The following NR3C1 variants were observed in gnomAD, a reference collection of about 807,000 sequenced individuals.
NR3C1 encodes the protein nuclear receptor subfamily 3 group C member 1, also known as glucocorticoid receptor.
NR3C1 carries 14 observed loss-of-function variants against 74.0 expected under a neutral mutation model. The ratio of observed to expected loss-of-function variants is 0.19; its 90% CI spans 0.12 to 0.30. NR3C1 has a LOEUF of 0.30. Among genes scored for constraint, NR3C1 ranks in the 10% least tolerant of loss-of-function variants. The pLI is 1.00. For synonymous variants in NR3C1, 308 were observed against 332.5 expected, an observed-to-expected ratio of 0.93 and a Z score of 0.80; for missense variants, 695 against 909.8, an observed-to-expected ratio of 0.76 and a Z score of 3.04.
intron 2 of NR3C1, among the ~76,000 whole-genome samples, chr5:143,350,784 G>A (rs1830095499): frequency 6.6e-6 from 1 of 152,192 alleles, no homozygotes; most frequent in Non-Finnish European, 1.5e-5. Context: ...TTGCCAAGAG[G>A]CTAGAGAAGT....
At chr5:143,387,376 C>T (rs1449893971) in intron 2 of NR3C1, among the ~76,000 whole-genome samples, 3 of 152,116 alleles carry the variant, frequency 2.0e-5, no homozygotes, top group Admixed American at 6.6e-5. Flanking sequence ...GGAATGTTCC[C>T]ATGTTTTAAA....
intron 4 of NR3C1, among the ~76,000 whole-genome samples, chr5:143,306,703 T>C (rs1035479655): frequency 2.0e-5 from 3 of 152,092 alleles, no homozygotes; most frequent in Admixed American, 1.3e-4. Flanking sequence ...GTGTTTTTAA[T>C]AATCAGGGTC....
intron 7 of NR3C1, among the ~76,000 whole-genome samples, chr5:143,288,995 T>C (rs1318678763): frequency 7.1e-6 from 1 of 140,332 alleles, no homozygotes; most frequent in African/African-American, 2.7e-5. Flanking sequence ...ATCCCACTGC[T>C]GGGGAGGCTG....
At chr5:143,360,412 A>G (rs1832007039) in intron 2 of NR3C1, among the ~76,000 whole-genome samples, 2 of 152,222 alleles carry the variant, frequency 1.3e-5, no homozygotes, top group Non-Finnish European at 2.9e-5. Flanking sequence ...GACTTGAGAC[A>G]GCTTTAAAAA....
intron 7 of NR3C1, among the ~76,000 whole-genome samples, chr5:143,292,016 G>GT (rs1164888653): frequency 1.1e-4 from 17 of 152,198 alleles, no homozygotes; most frequent in Middle Eastern, 3.4e-3. Flanking sequence ...ATGCCTTGTA[G>GT]TTTTTTTGCT....
exon 1 of NR3C1, chr5:143,435,250 G>C: frequency 2.0e-6 from 2 of 985,172 alleles, no homozygotes; most frequent in Non-Finnish European, 2.4e-6. Context: ...CAGTGCTTCC[G>C]TTGGACACAT....
At chr5:143,379,239 A>G (rs1362735108) in intron 2 of NR3C1, among the ~76,000 whole-genome samples, 1 of 152,210 alleles carries the variant, frequency 6.6e-6, no homozygotes, top group South Asian at 2.1e-4. Flanking sequence ...AAAAGCAGTT[A>G]CATAAGTGCT....
chr5:143,341,222 A>G (rs1407273691), intron 2 of NR3C1, among the ~76,000 whole-genome samples: 1 of 152,248 alleles, frequency 6.6e-6, no homozygotes, highest in Non-Finnish European at 1.5e-5. Flanking sequence ...AAAGGAAAAC[A>G]AACCAATTTA....
At chr5:143,406,462 T>C (rs1600659464), upstream of NR3C1, among the ~76,000 whole-genome samples, 3 of 152,164 alleles carry the variant, frequency 2.0e-5, no homozygotes, top group East Asian at 5.8e-4. Flanking sequence ...TAAATGTGCC[T>C]GTTAATTTTT....
chr5:143,389,942 G>A (rs948649814), intron 2 of NR3C1: 1 of 978,854 alleles, frequency 1.0e-6, no homozygotes, highest in Non-Finnish European at 1.2e-6. Flanking sequence ...ATCATCTTTT[G>A]GGGAGAAAGA....
In NR3C1 at chr5:143,358,473, G is replaced by T. The variant is rs114006470; in HGVS notation, c.1184+41183C>A. Among the ~76,000 whole-genome samples, 806 of 152,304 alleles carry T rather than the reference G, an allele frequency of 5.3e-3. 7 individuals are homozygous for T. The highest frequency in any genetic ancestry group is 0.018 in the African/African-American group (748 of 41,570). On this transcript the variant is annotated intron_variant, in intron 2 of 8. Coordinates refer to ENST00000394464, the MANE Select transcript of NR3C1 (RefSeq NM_000176.3). ...TGGTACCATTAAATATTTGTGGAGA[G>T]AATTATATTGTGTAAATATTAGCAA...
At chr5:143,366,589 G>A (rs1342392701) in intron 2 of NR3C1, among the ~76,000 whole-genome samples, 1 of 149,666 alleles carries the variant, frequency 6.7e-6, no homozygotes, top group Non-Finnish European at 1.5e-5. Flanking sequence ...AAAAAGGAGA[G>A]AAGACTCTTA....
rs560747734 is a variant in NR3C1, at chr5:143,334,468, C to G, written c.1185-20300G>C. Among the ~76,000 whole-genome samples the G allele has an allele frequency of 4.3e-4, 65 of 152,274 alleles. No individual in the cohort carries two copies. In the South Asian group the frequency reaches 5.2e-3, roughly 12 times the overall value. On this transcript the variant is annotated intron_variant, in intron 2 of 8. Transcript: ENST00000394464. ...CAAGGAAAAATTCCAGCGTTTTCTA[C>G]ATTGGGTGCTGTGTCATCTGAAATC...
intron 2 of NR3C1, among the ~76,000 whole-genome samples, chr5:143,361,704 G>A (rs527521732): frequency 6.6e-6 from 1 of 152,214 alleles, no homozygotes; most frequent in African/African-American, 2.4e-5. Context: ...GTCAGCTGCT[G>A]TAAGAAATTC....
chr5:143,404,373 T>G, upstream of NR3C1: 1 of 984,346 alleles, frequency 1.0e-6, no homozygotes, highest in Non-Finnish European at 1.2e-6. Context: ...GGCGCATACG[T>G]ACTTTGGGCC....
At chr5:143,291,508 G>A (rs1255149586) in intron 7 of NR3C1, among the ~76,000 whole-genome samples, 1 of 91,526 alleles carries the variant, frequency 1.1e-5, no homozygotes, top group Non-Finnish European at 2.8e-5. Flanking sequence ...ACCGGTGTGA[G>A]CCACCACGCC....
intron 4 of NR3C1, 60 bp downstream of exon 4, chr5:143,310,037 A>G: frequency 7.8e-7 from 1 of 1,276,198 alleles, no homozygotes; most frequent in Admixed American, 1.7e-5. Flanking sequence ...CTTCAAAAGT[A>G]AAATGATAAA....
intron 2 of NR3C1, among the ~76,000 whole-genome samples, chr5:143,352,637 G>T (rs2151789711): frequency 6.6e-6 from 1 of 152,172 alleles, no homozygotes; most frequent in East Asian, 1.9e-4. Flanking sequence ...GAATTTTTTG[G>T]TTTCCCACTA....
At chr5:143,379,667 A>C (rs1431029904) in intron 2 of NR3C1, among the ~76,000 whole-genome samples, 1 of 152,204 alleles carries the variant, frequency 6.6e-6, no homozygotes, top group East Asian at 1.9e-4. Context: ...GTAGAAATAT[A>C]GTTGTTCCAA....
Sources: allele counts gnomAD v4.1 joint callset (sites outside exome capture counted in the v4.1 genomes callset), GRCh38; gene constraint gnomAD v4.1.1; transcripts MANE v1.5; gene names NCBI Gene and HGNC (gene_info 2026-07-23, HGNC 2026-07-21).